The following COIL variants were observed in gnomAD, a reference collection of about 807,000 sequenced individuals.
COIL encodes coilin p80.
COIL carries 28 observed loss-of-function variants against 51.6 expected under a neutral mutation model. The ratio of observed to expected loss-of-function variants is 0.54; its 90% CI spans 0.40 to 0.74. The LOEUF is 0.74. Ranked by LOEUF, COIL falls within the 30% of genes least tolerant of loss-of-function variation. COIL has a pLI of 0.00. For synonymous variants in COIL, 233 were observed against 255.8 expected (o/e 0.91, Z 0.85); for missense variants, 667 against 685.9 (o/e 0.97, Z 0.31).
In COIL at chr17:56,950,626, G is replaced by C. The variant is rs369618399; in HGVS notation, c.616C>G (p.Gln206Glu). The stretch of plus-strand genomic sequence containing the variant: ...TGATTGGCCCAGTCTTTCACTGCCT[G>C]TACTTTCGGAGACTTGGGATTCTTA... ...KAKNPKSPKV[Q>E]AVKDWANQRC... is the part of the protein sequence containing the mutation. Residue 206 changes from glutamine (Q) to glutamate (E), a missense_variant, in exon 2 of 7, where the codon CAG becomes GAG. Coordinates refer to ENST00000240316, the MANE Select transcript of COIL (RefSeq NM_004645.3). 18 of 1,613,518 alleles carry C rather than the reference G, an allele frequency of 1.1e-5. No individual in the cohort carries two copies. The highest frequency in any genetic ancestry group is 1.5e-5 in the Non-Finnish European group (18 of 1,179,876).
At chr17:56,940,788 T>A (rs926353675) in intron 6 of COIL, among the ~76,000 whole-genome samples, 3 of 152,146 alleles carry the variant, frequency 2.0e-5, no homozygotes, top group Non-Finnish European at 2.9e-5. Context: ...AATGCCACCA[T>A]AACCTAATGA....
At chr17:56,946,213 C>A (rs933561813) in intron 5 of COIL, among the ~76,000 whole-genome samples, 24 of 152,116 alleles carry the variant, frequency 1.6e-4, no homozygotes, top group African/African-American at 4.8e-4. Context: ...TTCATCAGTT[C>A]ATATAATCTT....
chr17:56,957,238 C>A (rs1243188530), intron 1 of COIL, among the ~76,000 whole-genome samples: 1 of 151,564 alleles, frequency 6.6e-6, no homozygotes, highest in Non-Finnish European at 1.5e-5. Context: ...TGGAGTGAGA[C>A]CCTGTCTCAA....
At chr17:56,957,354 T>C (rs144124926) in intron 1 of COIL, among the ~76,000 whole-genome samples, 2,095 of 152,140 alleles carry the variant, frequency 0.014, 16 homozygotes, top group Non-Finnish European at 0.02. Context: ...ACACAGTTGC[T>C]CACTCCTGTA....
chr17:56,938,992 T>TAA lies in COIL; in HGVS notation c.*78_*79insTT. The TAA allele has an allele frequency of 3.9e-6, 3 of 775,178 alleles. No individual in the cohort carries two copies. Among genetic ancestry groups the TAA allele is most frequent in the Non-Finnish European group, 4.2e-6 (2 of 473,348 alleles). The allele number at this position is 775,178 out of a possible 1,614,324, so 48.0% of individuals were successfully genotyped here. ...AATCCATACAACTTCCAAATCCTCT[T>TAA]TAAAAAAAAAAAAAAGTTTGGGTTA... On this transcript the variant is annotated 3_prime_UTR_variant, in exon 7 of 7. Coordinates refer to ENST00000240316, the MANE Select transcript of COIL (RefSeq NM_004645.3).
Position 56,961,030 on chromosome 17 carries a change from GC to G in COIL, c.-12del, listed in dbSNP as rs766362279. On this transcript the variant is annotated 5_prime_UTR_variant, in exon 1 of 7. Transcript: ENST00000240316. ...CTCGGAAGCTGCCATCTTGCTTGGT[GC>G]TCAACGGAAGCCGAGAGATACCACG... 4.3e-6 allele frequency: 7 copies of G among 1,612,420 alleles called. No individual in the cohort carries two copies. The African/African-American group carries it at 9.3e-5, about 22-fold the overall frequency.
At chr17:56,953,230 T>G (rs1315018945) in intron 1 of COIL, among the ~76,000 whole-genome samples, 1 of 151,596 alleles carries the variant, frequency 6.6e-6, no homozygotes, top group Non-Finnish European at 1.5e-5. Flanking sequence ...GCTAACACAG[T>G]GAAACCCCGT....
In COIL at chr17:56,960,777, G is replaced by A; in HGVS notation, c.243C>T (p.Leu81=). The A allele has an allele frequency of 6.4e-7, 1 of 1,568,892 alleles. No homozygotes were observed. The highest frequency in any genetic ancestry group is 1.2e-5 in the South Asian group (1 of 86,440). The change falls in exon 1 of 7, where the codon CTC becomes CTT. Residue 81 remains leucine (L), a splice_region_variant and synonymous_variant. Transcript: ENST00000240316. ...GTCCCGCTCCCTGCGCCGCGCACCT[G>A]AGGCAGTCGTTGTCTCTCACAAGGC... The part of the protein sequence containing the change: ...SARLVRDNDC[L]RVKLEERGVA...
At chr17:56,954,434 G>A (rs1910445597) in intron 1 of COIL, among the ~76,000 whole-genome samples, 3 of 151,982 alleles carry the variant, frequency 2.0e-5, no homozygotes, top group South Asian at 2.1e-4. Flanking sequence ...GGTGGCATGC[G>A]CCTGTAGTCC....
At chr17:56,956,081 C>G (rs1910477588) in intron 1 of COIL, among the ~76,000 whole-genome samples, 1 of 152,190 alleles carries the variant, frequency 6.6e-6, no homozygotes, top group Non-Finnish European at 1.5e-5. Flanking sequence ...GTATAGAAAT[C>G]TGGCTCTAAG....
chr17:56,949,118 C>CA (rs1388331256), intron 4 of COIL, among the ~76,000 whole-genome samples: 1 of 152,110 alleles, frequency 6.6e-6, no homozygotes, highest in African/African-American at 2.4e-5. Flanking sequence ...TATTTAAAAA[C>CA]AAAAAATTAA....
chr17:56,949,537 C>A, intron 3 of COIL, 103 bp from the exon 4 acceptor site: 1 of 1,421,926 alleles, frequency 7.0e-7, no homozygotes, highest in South Asian at 1.2e-5. Context: ...CCCGACCAGT[C>A]TGGGAGCCCT....
At chr17:56,942,009 C>T in intron 6 of COIL, 26 bp downstream of exon 6, 1 of 1,579,790 alleles carries the variant, frequency 6.3e-7, no homozygotes, top group Non-Finnish European at 8.7e-7. Context: ...AATGGCCAAG[C>T]AACGCAAGAA....
chr17:56,952,405 C>A, intron 1 of COIL: 2 of 394,424 alleles, frequency 5.1e-6, no homozygotes, highest in South Asian at 2.0e-5. Context: ...CTTTTTATAA[C>A]GATGTAATAC....
chr17:56,959,453 T>C (rs2144407761), intron 1 of COIL, among the ~76,000 whole-genome samples: 1 of 152,306 alleles, frequency 6.6e-6, no homozygotes, highest in Middle Eastern at 3.4e-3. Context: ...ATTTCAGCAA[T>C]TCACACTACA....
rs78180570 is a variant in COIL, at chr17:56,959,491, C to A, written c.245+1284G>T. 3.6e-4 allele frequency among the ~76,000 whole-genome samples: 55 copies of A among 152,324 alleles called. No homozygotes were observed. The East Asian group carries it at 9.6e-3, about 27-fold the overall frequency. ...TGCTCCTGGATACTCATCTCATTATCATTTTTTTAACTTCCAAAAGCATAT... is the reference window on the plus strand; with the variant it reads ...TGCTCCTGGATACTCATCTCATTATAATTTTTTTAACTTCCAAAAGCATAT... On this transcript the variant is annotated intron_variant, in intron 1 of 6. Transcript: ENST00000240316.
chr17:56,954,700 G>A (rs910067410), intron 1 of COIL, among the ~76,000 whole-genome samples: 1 of 152,120 alleles, frequency 6.6e-6, no homozygotes, highest in Non-Finnish European at 1.5e-5. Context: ...AAACTGGTGT[G>A]GTGGCACATG....
At chr17:56,943,817 C>A (rs1910192407) in intron 5 of COIL, among the ~76,000 whole-genome samples, 1 of 152,158 alleles carries the variant, frequency 6.6e-6, no homozygotes, top group Non-Finnish European at 1.5e-5. Flanking sequence ...ATCAGAACCA[C>A]CACATCAAGG....
At chr17:56,941,248 T>C (rs905978041) in intron 6 of COIL, 8 of 151,888 alleles carry the variant, frequency 5.3e-5, no homozygotes, top group African/African-American at 1.9e-4. Context: ...CTCTTCAAAC[T>C]GTTGTGCTAT....
Sources: allele counts gnomAD v4.1 joint callset (sites outside exome capture counted in the v4.1 genomes callset), GRCh38; gene constraint gnomAD v4.1.1; transcripts MANE v1.5; gene names NCBI Gene and HGNC (gene_info 2026-07-23, HGNC 2026-07-21).